DAB1: variants seen among roughly 807,000 people sequenced by gnomAD.
The protein encoded by DAB1 is disabled homolog 1.
In DAB1, 15 loss-of-function variants were observed where a neutral mutation model predicts 64.6. The ratio of observed to expected loss-of-function variants is 0.23; its 90% CI spans 0.16 to 0.36. DAB1 has a LOEUF of 0.36. Among genes scored for constraint, DAB1 ranks in the 10% least tolerant of loss-of-function variants. The probability of loss-of-function intolerance (pLI) is 1.00; values close to 1 mark genes in which losing one functional copy is unlikely to be tolerated. For missense variants in DAB1, 596 were observed against 706.7 expected (o/e 0.84, Z 1.78); for synonymous variants, 235 against 251.9 (o/e 0.93, Z 0.64).
At chr1:57,827,202 C>T (rs1569794180) in intron 1 of DAB1, among the ~76,000 whole-genome samples, 1 of 152,202 alleles carries the variant, frequency 6.6e-6, no homozygotes, top group South Asian at 2.1e-4. Flanking sequence ...GTTTCCCCTT[C>T]ATAACCTGCC....
intron 1 of DAB1, among the ~76,000 whole-genome samples, chr1:57,343,548 C>T (rs372486205): frequency 1.3e-5 from 2 of 152,210 alleles, no homozygotes; most frequent in Non-Finnish European, 2.9e-5. Context: ...CCACGGAGGT[C>T]GGGGGAGGCT....
intron 4 of DAB1, among the ~76,000 whole-genome samples, chr1:58,252,347 C>G (rs1031975362): frequency 2.6e-5 from 4 of 152,174 alleles, no homozygotes; most frequent in Non-Finnish European, 5.9e-5. Context: ...ACATTTCGAG[C>G]AGGAAAGATT....
At chr1:57,030,663 C>T (rs140361832) in intron 9 of DAB1, among the ~76,000 whole-genome samples, 43 of 152,324 alleles carry the variant, frequency 2.8e-4, no homozygotes, top group African/African-American at 9.9e-4. Flanking sequence ...CATACAGTAA[C>T]AGCCCAGCAG....
chr1:57,810,894 C>T (rs1651586408), intron 6 of DAB1, among the ~76,000 whole-genome samples: 1 of 152,188 alleles, frequency 6.6e-6, no homozygotes, highest in African/African-American at 2.4e-5. Context: ...CTGAGTCTTA[C>T]AGGGCTAAAA....
chr1:58,036,353 G>A (rs1557620266), intron 5 of DAB1, among the ~76,000 whole-genome samples: 1 of 152,166 alleles, frequency 6.6e-6, no homozygotes, highest in Non-Finnish European at 1.5e-5. Flanking sequence ...CCCAGGGCCC[G>A]TGGGTTCTGC....
chr1:57,611,941 C>T (rs570802291), intron 7 of DAB1, among the ~76,000 whole-genome samples: 1 of 152,310 alleles, frequency 6.6e-6, no homozygotes, highest in South Asian at 2.1e-4. Context: ...CCCCTGCCAA[C>T]TGTTATGTAG....
At chr1:57,225,941 A>G (rs1197590746) in intron 2 of DAB1, among the ~76,000 whole-genome samples, 1 of 152,138 alleles carries the variant, frequency 6.6e-6, no homozygotes, top group Non-Finnish European at 1.5e-5. Context: ...TCTGGTTGTC[A>G]TCTTATTTGA....
chr1:58,149,519 C>G (rs1245366499), intron 5 of DAB1, among the ~76,000 whole-genome samples: 1 of 152,192 alleles, frequency 6.6e-6, no homozygotes, highest in African/African-American at 2.4e-5. Flanking sequence ...TTCCTGAATA[C>G]TAAACCGGGT....
chr1:58,075,122 A>G (rs997555593), intron 5 of DAB1, among the ~76,000 whole-genome samples: 2 of 152,192 alleles, frequency 1.3e-5, no homozygotes, highest in East Asian at 3.9e-4. Context: ...GTCCCAGCCA[A>G]TTAAATTCCA....
chr1:57,782,020 C>A (rs77698191), intron 6 of DAB1, among the ~76,000 whole-genome samples: 1 of 152,118 alleles, frequency 6.6e-6, no homozygotes, highest in South Asian at 2.1e-4. Flanking sequence ...ATTCTACACA[C>A]GGCAAAGCAA....
chr1:58,513,629 T>C (rs1291486763), intron 2 of DAB1, among the ~76,000 whole-genome samples: 1 of 152,172 alleles, frequency 6.6e-6, no homozygotes, highest in Non-Finnish European at 1.5e-5. Flanking sequence ...TAAACTAAGA[T>C]AATGGAGAGA....
chr1:57,302,713 C>T (rs1673770418), intron 1 of DAB1, among the ~76,000 whole-genome samples: 1 of 152,156 alleles, frequency 6.6e-6, no homozygotes, highest in Non-Finnish European at 1.5e-5. Flanking sequence ...GAGGGATCCT[C>T]CCACCTCAAC....
intron 2 of DAB1, among the ~76,000 whole-genome samples, chr1:57,226,171 C>A (rs1321528361): frequency 1.3e-5 from 2 of 152,192 alleles, no homozygotes; most frequent in Non-Finnish European, 2.9e-5. Context: ...ATCATCCATT[C>A]TAATGGGCTT....
intron 3 of DAB1, among the ~76,000 whole-genome samples, chr1:58,413,696 A>C (rs1461743512): frequency 1.3e-5 from 2 of 152,236 alleles, no homozygotes; most frequent in Non-Finnish European, 2.9e-5. Context: ...ATTACAGTGT[A>C]TCATATTCTG....
At chr1:58,528,728 A>C (rs1646388773) in intron 1 of DAB1, among the ~76,000 whole-genome samples, 1 of 152,182 alleles carries the variant, frequency 6.6e-6, no homozygotes, top group Non-Finnish European at 1.5e-5. Flanking sequence ...ACAACAGATG[A>C]ACCTCAGCAA....
intron 5 of DAB1, among the ~76,000 whole-genome samples, chr1:58,124,073 T>A (rs1158600608): frequency 6.6e-6 from 1 of 152,152 alleles, no homozygotes; most frequent in Admixed American, 6.6e-5. Flanking sequence ...AATGTACATA[T>A]GTATATAAAT....
At chr1:57,732,178 T>TG (rs138183418) in intron 6 of DAB1, among the ~76,000 whole-genome samples, 1 of 152,042 alleles carries the variant, frequency 6.6e-6, no homozygotes, top group South Asian at 2.1e-4. Flanking sequence ...GCAATTATTG[T>TG]GGGGGTATCA....
intron 6 of DAB1, among the ~76,000 whole-genome samples, chr1:57,715,848 T>C (rs1647077843): frequency 6.6e-6 from 1 of 152,198 alleles, no homozygotes; most frequent in Non-Finnish European, 1.5e-5. Flanking sequence ...TTGTTAACAA[T>C]GTCCATATTA....
chr1:57,145,411 G>T lies in DAB1; in HGVS notation c.86C>A (p.Ala29Asp). 6.2e-7 allele frequency: 1 copy of T among 1,613,958 alleles called. No homozygotes were observed. Residue 29 changes from alanine (A) to aspartate (D), a missense_variant, in exon 3 of 15, where the codon GCC becomes GAC. Physicochemically the swap from Ala to Asp is moderately radical, Grantham distance 126 (BLOSUM62 -2). This residue lies in a region of DAB1 where 43 missense variants were observed against 39.6 expected (regional missense o/e 1.09). Coordinates refer to ENST00000371236, the MANE Select transcript of DAB1 (RefSeq NM_001365792.1). ...SRKKGQDRSEATLIKRFKGEG... is the reference protein window; with the variant it reads ...SRKKGQDRSEDTLIKRFKGEG... ...ACCTTTAAACCTCTTTATCAAAGTG[G>T]CTTCACTGCGATCCTGACCTAAAAA...
Sources: allele counts gnomAD v4.1 joint callset (sites outside exome capture counted in the v4.1 genomes callset), GRCh38; gene constraint gnomAD v4.1.1; regional missense constraint gnomAD v4.1.1; transcripts MANE v1.5; gene names NCBI Gene and HGNC (gene_info 2026-07-23, HGNC 2026-07-21).